The following ZNF367 variants were observed in gnomAD, a reference collection of about 807,000 sequenced individuals.
The protein encoded by ZNF367 is zinc finger protein 367, also known as C2H2 zinc finger protein ZFF29.
In ZNF367, 11 loss-of-function variants were observed where a neutral mutation model predicts 31.8. The observed-to-expected ratio is 0.35, with a 90% CI of 0.22 to 0.57. The LOEUF is 0.57. Ranked by LOEUF, ZNF367 falls within the 20% of genes least tolerant of loss-of-function variation. The pLI is 0.85. For synonymous variants in ZNF367, 199 were observed against 202.4 expected, an observed-to-expected ratio of 0.98 and a Z score of 0.14; for missense variants, 353 against 484.1, an observed-to-expected ratio of 0.73 and a Z score of 2.54.
intron 4 of ZNF367, among the ~76,000 whole-genome samples, chr9:96,389,896 ATTTTTTTTTTTTTTT>A (rs777507011): frequency 2.1e-5 from 2 of 94,052 alleles, no homozygotes; most frequent in South Asian, 3.4e-4. Flanking sequence ...TGCCTGGCTA[ATTTTTTTTTTTTTTT>A]TTTTTTTTTT....
At chr9:96,415,352 C>T (rs1193907718) in intron 1 of ZNF367, among the ~76,000 whole-genome samples, 1 of 151,536 alleles carries the variant, frequency 6.6e-6, no homozygotes, top group East Asian at 1.9e-4. Flanking sequence ...CAGGCGTGAG[C>T]CACCCACCCG....
intron 1 of ZNF367, among the ~76,000 whole-genome samples, chr9:96,414,454 A>C (rs561454441): frequency 1.3e-5 from 2 of 152,364 alleles, no homozygotes; most frequent in East Asian, 1.9e-4. Context: ...ACAGCATGGA[A>C]ATACAATTCA....
Position 96,386,634 on chromosome 9 carries a change from G to A in ZNF367, c.*1603C>T, listed in dbSNP as rs745487572. The A allele has an allele frequency of 2.0e-5, 3 of 152,036 alleles. No homozygotes were observed. The highest frequency in any genetic ancestry group is 4.4e-5 in the Non-Finnish European group (3 of 67,968). 9.4% of individuals were successfully genotyped at this position (152,036 alleles called of 1,614,324 possible). A position where few individuals can be genotyped will look rare whatever the true frequency, so the allele number is the denominator to read the frequency against. ...CTAAAGATTTGTAATTTACTGTACA[G>A]AGGAATTACATTTTTAAAGTATGTC... On this transcript the variant is annotated 3_prime_UTR_variant, in exon 5 of 5. Coordinates refer to ENST00000375256, the MANE Select transcript of ZNF367 (RefSeq NM_153695.4).
At chr9:96,398,066 G>C (rs1831554925) in intron 2 of ZNF367, 98 bp downstream of exon 2, 1 of 1,228,204 alleles carries the variant, frequency 8.1e-7, no homozygotes, top group Non-Finnish European at 1.1e-6. Flanking sequence ...CTCCAGCCTG[G>C]GCAACAGAGC....
At chr9:96,401,250 T>C (rs1004405056) in intron 1 of ZNF367, among the ~76,000 whole-genome samples, 1 of 151,942 alleles carries the variant, frequency 6.6e-6, no homozygotes, top group African/African-American at 2.4e-5. Flanking sequence ...TGGTTCATCA[T>C]GTAAAAGGGG....
At chr9:96,390,962 G>T (rs1398420884) in intron 4 of ZNF367, among the ~76,000 whole-genome samples, 2 of 151,090 alleles carry the variant, frequency 1.3e-5, no homozygotes, top group Admixed American at 1.3e-4. Flanking sequence ...TAATGGGGCA[G>T]TAGGAGCTAA....
intron 1 of ZNF367, among the ~76,000 whole-genome samples, chr9:96,416,087 G>GTTTTTTTTTTTTTTTT (rs34500193): frequency 8.0e-6 from 1 of 125,066 alleles, no homozygotes; most frequent in Non-Finnish European, 1.7e-5. Context: ...TTTTTTTGTT[G>GTTTTTTTTTTTTTTTT]TTTTTTTTTT....
intron 1 of ZNF367, among the ~76,000 whole-genome samples, chr9:96,410,099 TA>T: frequency 6.6e-6 from 1 of 151,218 alleles, no homozygotes; most frequent in South Asian, 2.1e-4. Flanking sequence ...CTGTCTCTAC[TA>T]AAAATGCAAA....
intron 3 of ZNF367, among the ~76,000 whole-genome samples, chr9:96,392,876 G>A (rs1469729540): frequency 6.6e-6 from 1 of 152,206 alleles, no homozygotes; most frequent in Non-Finnish European, 1.5e-5. Flanking sequence ...CTTGAGATCA[G>A]GAGCTAGAGA....
At chr9:96,397,028 TA>T (rs1407372596) in intron 2 of ZNF367, among the ~76,000 whole-genome samples, 1 of 152,264 alleles carries the variant, frequency 6.6e-6, no homozygotes, top group Non-Finnish European at 1.5e-5. Context: ...GTCATTTCAA[TA>T]CATAATCAAC....
Position 96,386,312 on chromosome 9 carries a change from T to C in ZNF367, c.*1925A>G, listed in dbSNP as rs1831409059. ...TTACTTTTGAAGGCCTTAAATGTTA[T>C]CATCTGTGAATTGGCAAATATTTGT... On this transcript the variant is annotated 3_prime_UTR_variant, in exon 5 of 5. Coordinates refer to ENST00000375256, the MANE Select transcript of ZNF367 (RefSeq NM_153695.4). The C allele has an allele frequency of 6.6e-6, 1 of 152,180 alleles. No homozygotes were observed. Among genetic ancestry groups the C allele is most frequent in the Non-Finnish European group, 1.5e-5 (1 of 68,012 alleles). The allele number at this position is 152,180 out of a possible 1,614,324, so 9.4% of individuals were successfully genotyped here. A position where few individuals can be genotyped will look rare whatever the true frequency, so the allele number is the denominator to read the frequency against.
At chr9:96,407,551 T>C (rs956527461) in intron 1 of ZNF367, 2 of 1,353,350 alleles carry the variant, frequency 1.5e-6, no homozygotes, top group African/African-American at 2.9e-5. Flanking sequence ...AGTACCTGCC[T>C]ATCTGCTGGA....
chr9:96,404,852 C>T (rs1016613629), intron 1 of ZNF367, among the ~76,000 whole-genome samples: 5 of 151,960 alleles, frequency 3.3e-5, no homozygotes, highest in African/African-American at 1.2e-4. Flanking sequence ...ATTTGCAAAC[C>T]ATACATCTGA....
intron 1 of ZNF367, among the ~76,000 whole-genome samples, chr9:96,403,286 C>T (rs1307429303): frequency 1.3e-5 from 2 of 152,030 alleles, no homozygotes; most frequent in African/African-American, 4.8e-5. Flanking sequence ...TCTTAAATAG[C>T]CGATGGGTCA....
chr9:96,411,791 G>T (rs1206598886), intron 1 of ZNF367, among the ~76,000 whole-genome samples: 4 of 152,112 alleles, frequency 2.6e-5, no homozygotes, highest in African/African-American at 9.7e-5. Flanking sequence ...CCATATACAG[G>T]GAAGGGTTCA....
intron 1 of ZNF367, among the ~76,000 whole-genome samples, chr9:96,415,590 C>G (rs111778783): frequency 0.023 from 3,288 of 141,602 alleles, 130 homozygotes; most frequent in African/African-American, 0.084. Context: ...CGCCGCCTCC[C>G]GAGTTCTACC....
chr9:96,394,455 A>C (rs930708007), intron 3 of ZNF367, among the ~76,000 whole-genome samples: 4 of 152,210 alleles, frequency 2.6e-5, no homozygotes, highest in Non-Finnish European at 5.9e-5. Context: ...TAATAATTTA[A>C]CTGTACATTC....
At chr9:96,395,828 C>T (rs1049461926) in intron 2 of ZNF367, among the ~76,000 whole-genome samples, 2 of 148,070 alleles carry the variant, frequency 1.4e-5, no homozygotes, top group African/African-American at 2.5e-5. Flanking sequence ...ATAGACAACA[C>T]AGTGCCAGGC....
intron 1 of ZNF367, among the ~76,000 whole-genome samples, chr9:96,414,754 G>T (rs1414666579): frequency 6.6e-6 from 1 of 152,196 alleles, no homozygotes; most frequent in Non-Finnish European, 1.5e-5. Flanking sequence ...GGGATTACAG[G>T]CGTGAGCCTC....
Sources: gnomAD v4.1 joint callset for allele counts (sites outside exome capture counted in the v4.1 genomes callset) on GRCh38, gnomAD v4.1.1 for gene constraint, MANE v1.5 for transcripts, NCBI Gene and HGNC (gene_info 2026-07-23, HGNC 2026-07-21) for gene names.